CASQ2: variants seen among roughly 807,000 people sequenced by gnomAD.
CASQ2 encodes calsequestrin-2.
In CASQ2, 49 loss-of-function variants were observed where a neutral mutation model predicts 46.5. That is an observed-to-expected ratio of 1.05 (90% CI 0.84 to 1.34). CASQ2 has a LOEUF of 1.34. Among genes scored for constraint, CASQ2 ranks in the 40% most tolerant of loss-of-function variants. The pLI, the probability that CASQ2 is intolerant of heterozygous loss-of-function variation, is 0.00. For missense variants in CASQ2, 486 were observed against 481.3 expected, an observed-to-expected ratio of 1.01 and a Z score of -0.09; for synonymous variants, 174 against 168.5, an observed-to-expected ratio of 1.03 and a Z score of -0.25.
At chr1:115,703,631 G>A (rs1654276336) in intron 9 of CASQ2, among the ~76,000 whole-genome samples, 1 of 152,122 alleles carries the variant, frequency 6.6e-6, no homozygotes, top group African/African-American at 2.4e-5. Flanking sequence ...CAAACACATA[G>A]AACTGGCCAG....
intron 3 of CASQ2, among the ~76,000 whole-genome samples, chr1:115,739,063 T>TAAAA (rs36062822): frequency 0.02 from 2,742 of 140,324 alleles, 48 homozygotes; most frequent in South Asian, 0.03. Context: ...TTTCTTTTTT[T>TAAAA]AAAAAAAAAA....
chr1:115,708,955 G>A (rs1248407588), intron 8 of CASQ2, among the ~76,000 whole-genome samples: 1 of 152,230 alleles, frequency 6.6e-6, no homozygotes, highest in African/African-American at 2.4e-5. Context: ...GTGAGACCAC[G>A]AGAACCGTGC....
chr1:115,726,954 AC>A, intron 6 of CASQ2, 37 bp downstream of exon 6: 55 of 1,107,888 alleles, frequency 5.0e-5, no homozygotes, highest in East Asian at 8.1e-5. Flanking sequence ...CATTCCCCAG[AC>A]CCCAGGCCCC....
chr1:115,766,747 A>G (rs982215107), intron 1 of CASQ2, among the ~76,000 whole-genome samples: 2 of 152,058 alleles, frequency 1.3e-5, no homozygotes, highest in Admixed American at 1.3e-4. Context: ...GCCGGCACCC[A>G]CTGTGAAAAG....
At chr1:115,731,495 T>C (rs1647782148) in intron 5 of CASQ2, among the ~76,000 whole-genome samples, 1 of 152,188 alleles carries the variant, frequency 6.6e-6, no homozygotes, top group Non-Finnish European at 1.5e-5. Context: ...TCTACTAATA[T>C]CCTATCCAAT....
rs116710985 is a variant in CASQ2 at position 115,724,869 on chromosome 1, T to G, written c.783+639A>C. Reference sequence around the variant, plus strand: ...GGTGGCAGATTCTGGACTTGAACCCTAGTCTCTATTACTTTATAGCCTGAG... The same window carrying G: ...GGTGGCAGATTCTGGACTTGAACCCGAGTCTCTATTACTTTATAGCCTGAG... On this transcript the variant is annotated intron_variant, in intron 7 of 10. Coordinates refer to ENST00000261448, the MANE Select transcript of CASQ2 (RefSeq NM_001232.4). Among the ~76,000 whole-genome samples, 627 of 152,334 alleles carry G rather than the reference T, an allele frequency of 4.1e-3. 2 individuals are homozygous for G. Among genetic ancestry groups the G allele is most frequent in the African/African-American group, 0.015 (605 of 41,574 alleles).
At chr1:115,736,087 CG>C (rs1647946781) in intron 4 of CASQ2, among the ~76,000 whole-genome samples, 1 of 150,082 alleles carries the variant, frequency 6.7e-6, no homozygotes, top group South Asian at 2.1e-4. Flanking sequence ...TGCTTGAACC[CG>C]GGAGGCAGAG....
At chr1:115,742,399 G>A (rs1648219100) in intron 2 of CASQ2, among the ~76,000 whole-genome samples, 1 of 152,022 alleles carries the variant, frequency 6.6e-6, no homozygotes, top group Admixed American at 6.6e-5. Flanking sequence ...TACTGCAATT[G>A]TTGAGGCACA....
At position 115,727,096 on chromosome 1, in the gene CASQ2, C is replaced by A. The variant is rs377762175; in HGVS notation, c.633G>T (p.Met211Ile). The change falls in exon 6 of 11, where the codon ATG (methionine) becomes ATT (isoleucine). Residue 211 changes from methionine to isoleucine, a missense_variant. Transcript: ENST00000261448. ...ATGGCTCATAGAAGTCAACCTCATT[C>A]ATCTTCAAAGATAATTTCTTTGCAA... is the stretch of plus-strand genomic sequence containing the variant. ...KGVAKKLSLK[M>I]NEVDFYEPFM... 7 of 1,612,978 alleles carry A rather than the reference C, an allele frequency of 4.3e-6. No homozygotes were observed. The highest frequency in any genetic ancestry group is 2.7e-5 in the African/African-American group (2 of 74,894).
At chr1:115,713,013 C>A (rs542088665) in intron 8 of CASQ2, among the ~76,000 whole-genome samples, 47 of 152,156 alleles carry the variant, frequency 3.1e-4, no homozygotes, top group Non-Finnish European at 6.5e-4. Flanking sequence ...TTGGATGGAA[C>A]AGAGCTTGGA....
rs915524253 is a variant in CASQ2, at chr1:115,738,635, G to C, written c.421-300C>G. ...GTTGTATGTATTTATTGGATGTAAAGTGTTGCTATGATCTATAAATATGTG... is the reference window on the plus strand; with the variant it reads ...GTTGTATGTATTTATTGGATGTAAACTGTTGCTATGATCTATAAATATGTG... On this transcript the variant is annotated intron_variant, in intron 3 of 10. Coordinates refer to ENST00000261448, the MANE Select transcript of CASQ2 (RefSeq NM_001232.4). 2.6e-5 allele frequency among the ~76,000 whole-genome samples: 4 copies of C among 152,292 alleles called. No individual in the cohort carries two copies. The South Asian group carries it at 8.3e-4, about 32-fold the overall frequency.
intron 1 of CASQ2, among the ~76,000 whole-genome samples, chr1:115,766,102 A>G (rs1649124509): frequency 6.6e-6 from 1 of 152,160 alleles, no homozygotes; most frequent in African/African-American, 2.4e-5. Context: ...CTTTTGCATG[A>G]GCAGCGCCTC....
chr1:115,746,144 G>A (rs929747951), intron 1 of CASQ2, among the ~76,000 whole-genome samples: 2 of 143,548 alleles, frequency 1.4e-5, no homozygotes, highest in Non-Finnish European at 3.1e-5. Flanking sequence ...CTAGGTTGTT[G>A]CATGTATCGA....
intron 2 of CASQ2, among the ~76,000 whole-genome samples, chr1:115,742,208 A>G (rs1415179137): frequency 1.3e-5 from 2 of 151,270 alleles, no homozygotes; most frequent in Admixed American, 6.6e-5. Context: ...ATGAAAAATT[A>G]TATATTTTTT....
At chr1:115,744,308 C>A (rs1443162685) in intron 2 of CASQ2, among the ~76,000 whole-genome samples, 1 of 152,170 alleles carries the variant, frequency 6.6e-6, no homozygotes, top group East Asian at 1.9e-4. Flanking sequence ...CTTAACCATA[C>A]CTCACCTATG....
chr1:115,722,716 G>A (rs958564391), intron 7 of CASQ2, among the ~76,000 whole-genome samples: 1 of 152,106 alleles, frequency 6.6e-6, no homozygotes. Flanking sequence ...CATGAAAGAC[G>A]AAGACCAAGA....
chr1:115,762,520 C>A (rs1397611450), intron 1 of CASQ2, among the ~76,000 whole-genome samples: 4 of 152,152 alleles, frequency 2.6e-5, no homozygotes, highest in African/African-American at 7.2e-5. Context: ...CTCCACCCTG[C>A]CACCCAAAAC....
intron 1 of CASQ2, among the ~76,000 whole-genome samples, chr1:115,764,746 G>A (rs1240175139): frequency 6.6e-6 from 1 of 152,224 alleles, no homozygotes; most frequent in East Asian, 1.9e-4. Flanking sequence ...AGATTGGAAA[G>A]CAAAGTTTGA....
At chr1:115,760,163 T>C (rs994451840) in intron 1 of CASQ2, among the ~76,000 whole-genome samples, 2 of 152,184 alleles carry the variant, frequency 1.3e-5, no homozygotes, top group African/African-American at 4.8e-5. Context: ...ATTAGAGCTA[T>C]ACTGACAGTT....
Sources: allele counts gnomAD v4.1 joint callset (sites outside exome capture counted in the v4.1 genomes callset), GRCh38; gene constraint gnomAD v4.1.1; transcripts MANE v1.5; gene names NCBI Gene and HGNC (gene_info 2026-07-23, HGNC 2026-07-21).